The following TENM3 variants were observed in gnomAD, a reference collection of about 807,000 sequenced individuals.
TENM3 encodes the protein teneurin transmembrane protein 3.
In TENM3, 63 loss-of-function variants were observed where a neutral mutation model predicts 255.1. That is an observed-to-expected ratio of 0.25 (90% CI 0.20 to 0.30). The LOEUF is 0.30. Ranked by LOEUF, TENM3 falls within the 10% of genes least tolerant of loss-of-function variation. The probability of loss-of-function intolerance (pLI) is 1.00; values close to 1 mark genes in which losing one functional copy is unlikely to be tolerated. For synonymous variants in TENM3, 1,306 were observed against 1,322.3 expected (o/e 0.99, Z 0.27); for missense variants, 2,929 against 3,461.1 (o/e 0.85, Z 3.86).
intron 3 of TENM3, among the ~76,000 whole-genome samples, chr4:182,589,202 A>AT (rs941150281): frequency 6.0e-5 from 9 of 150,586 alleles, no homozygotes; most frequent in Admixed American, 1.3e-4. Flanking sequence ...GAGCTTTTCT[A>AT]TTTTTTTTTC....
the TENM3 span, among the ~76,000 whole-genome samples, chr4:181,573,830 C>T: frequency 1.3e-5 from 2 of 152,288 alleles, no homozygotes; most frequent in South Asian, 2.1e-4. Flanking sequence ...TTCACACCCT[C>T]TATGTGCTGA....
At chr4:182,673,298 C>A in intron 7 of TENM3, 79 bp downstream of exon 7, 2 of 1,017,854 alleles carry the variant, frequency 2.0e-6, no homozygotes, top group South Asian at 1.7e-5. Context: ...TTAAGCTCAG[C>A]TGTTTGGTTA....
At chr4:182,527,711 T>G (rs1483640244) in intron 3 of TENM3, among the ~76,000 whole-genome samples, 1 of 149,792 alleles carries the variant, frequency 6.7e-6, no homozygotes, top group East Asian at 2.0e-4. Context: ...AAGTTTGTTT[T>G]TTTTGGTTGT....
Position 182,701,210 on chromosome 4 carries a change from C to CTTTTTTTTTTTTTTTTTTTTTTTT in TENM3, c.2221+12864_2222-12849dup, listed in dbSNP as rs35538818. On this transcript the variant is annotated intron_variant, in intron 12 of 27. Coordinates refer to ENST00000511685, the MANE Select transcript of TENM3 (RefSeq NM_001080477.4). The stretch of plus-strand genomic sequence containing the variant: ...TTTTCACATACAGTCCAACTCTTGA[C>CTTTTTTTTTTTTTTTTTTTTTTTT]TTTTTTTTTTTTTTTTTTTTTTTTT... Among the ~76,000 whole-genome samples, 12 of 38,668 alleles carry CTTTTTTTTTTTTTTTTTTTTTTTT rather than the reference C, an allele frequency of 3.1e-4. 5 individuals are homozygous for CTTTTTTTTTTTTTTTTTTTTTTTT. Among genetic ancestry groups the CTTTTTTTTTTTTTTTTTTTTTTTT allele is most frequent in the African/African-American group, 7.2e-4 (6 of 8,368 alleles). 25.4% of individuals were successfully genotyped at this position (38,668 alleles called of 152,430 possible). A position where few individuals can be genotyped will look rare whatever the true frequency, so the allele number is the denominator to read the frequency against.
intron 3 of TENM3, among the ~76,000 whole-genome samples, chr4:182,372,617 A>G (rs1766905638): frequency 6.6e-6 from 1 of 152,230 alleles, no homozygotes; most frequent in South Asian, 2.1e-4. Context: ...ATTTTAGTTT[A>G]CATAGTAAAT....
intron 3 of TENM3, among the ~76,000 whole-genome samples, chr4:182,573,683 G>A (rs1744633475): frequency 6.6e-6 from 1 of 152,148 alleles, no homozygotes; most frequent in Non-Finnish European, 1.5e-5. Context: ...TTGAAGGTGG[G>A]TACTAGAGAG....
the TENM3 span, among the ~76,000 whole-genome samples, chr4:181,481,923 G>T: frequency 6.6e-6 from 1 of 152,030 alleles, no homozygotes; most frequent in East Asian, 1.9e-4. Context: ...AAACAATGTG[G>T]CTAAGTCATT....
intron 1 of TENM3, among the ~76,000 whole-genome samples, chr4:182,277,575 T>A (rs1379421345): frequency 6.6e-6 from 1 of 152,190 alleles, no homozygotes; most frequent in Non-Finnish European, 1.5e-5. Context: ...TACTCTTCAC[T>A]CATAATAGTA....
At chr4:182,714,888 G>C (rs540712187) in intron 13 of TENM3, among the ~76,000 whole-genome samples, 2 of 152,060 alleles carry the variant, frequency 1.3e-5, no homozygotes, top group East Asian at 1.9e-4. Context: ...GTTTTGTTTT[G>C]TTTTTTGTTT....
At chr4:182,707,700 T>C (rs1758384723) in intron 12 of TENM3, 2 of 152,194 alleles carry the variant, frequency 1.3e-5, no homozygotes, top group African/African-American at 4.8e-5. Context: ...TGCCTACCTG[T>C]ACCAGCAAGT....
the TENM3 span, among the ~76,000 whole-genome samples, chr4:182,069,529 T>C: frequency 3.9e-5 from 6 of 152,122 alleles, no homozygotes; most frequent in African/African-American, 1.2e-4. Flanking sequence ...ATGCACCCCA[T>C]TTTTATTTAT....
At chr4:181,952,582 G>T in the TENM3 span, among the ~76,000 whole-genome samples, 1 of 152,242 alleles carries the variant, frequency 6.6e-6, no homozygotes, top group East Asian at 1.9e-4. Context: ...ATTAGGCCTT[G>T]TGCTAGGCCC....
the TENM3 span, among the ~76,000 whole-genome samples, chr4:181,511,681 C>T: frequency 6.6e-6 from 1 of 152,082 alleles, no homozygotes; most frequent in Admixed American, 6.6e-5. Context: ...CATGACAAAC[C>T]AGCAAGAAAG....
At chr4:182,756,578 G>T (rs1200657435) in intron 22 of TENM3, among the ~76,000 whole-genome samples, 1 of 152,140 alleles carries the variant, frequency 6.6e-6, no homozygotes, top group South Asian at 2.1e-4. Context: ...ATGATACGGT[G>T]AAGCAAAGGT....
the TENM3 span, among the ~76,000 whole-genome samples, chr4:182,101,094 GGGAGGGAGGGAGGAAGGAAA>G: frequency 2.3e-5 from 1 of 44,132 alleles, no homozygotes; most frequent in African/African-American, 7.9e-5. Context: ...GAGGGAGGGA[GGGAGGGAGGGAGGAAGGAAA>G]GAAGGAAGGA....
chr4:182,778,696 A>G (rs983238707), intron 24 of TENM3, among the ~76,000 whole-genome samples: 1 of 152,200 alleles, frequency 6.6e-6, no homozygotes, highest in Non-Finnish European at 1.5e-5. Context: ...TGCTCCCAAC[A>G]TCAAAGTGAT....
At chr4:181,642,824 G>A in the TENM3 span, among the ~76,000 whole-genome samples, 1 of 152,096 alleles carries the variant, frequency 6.6e-6, no homozygotes, top group African/African-American at 2.4e-5. Context: ...TAGATGTGCG[G>A]TATTATTTCT....
At chr4:181,574,324 G>A in the TENM3 span, among the ~76,000 whole-genome samples, 3 of 152,110 alleles carry the variant, frequency 2.0e-5, no homozygotes, top group South Asian at 2.1e-4. Flanking sequence ...GAGGTCAGGA[G>A]ATCGAGACCA....
chr4:182,001,002 CTTT>C, the TENM3 span, among the ~76,000 whole-genome samples: 907 of 130,474 alleles, frequency 7.0e-3, 12 homozygotes, highest in African/African-American at 0.024. Flanking sequence ...GTTTTCTTTC[CTTT>C]TTTTTTTTTT....
Sources: gnomAD v4.1 joint callset for allele counts (sites outside exome capture counted in the v4.1 genomes callset) on GRCh38, gnomAD v4.1.1 for gene constraint, MANE v1.5 for transcripts, NCBI Gene and HGNC (gene_info 2026-07-23, HGNC 2026-07-21) for gene names.